The following SSBP3 variants were observed in gnomAD, a reference collection of about 807,000 sequenced individuals.
SSBP3 encodes single-stranded DNA-binding protein 3.
Under a neutral mutation model 69.6 loss-of-function variants are expected in SSBP3, and 5 were observed. The observed-to-expected ratio is 0.07, with a 90% CI of 0.04 to 0.15. SSBP3 has a LOEUF of 0.15. Ranked by LOEUF, SSBP3 falls within the 10% of genes least tolerant of loss-of-function variation. The pLI, the probability that SSBP3 is intolerant of heterozygous loss-of-function variation, is 1.00. For synonymous variants in SSBP3, 196 were observed against 193.4 expected (o/e 1.01, Z -0.11); for missense variants, 312 against 534.0 (o/e 0.58, Z 4.10).
intron 4 of SSBP3, among the ~76,000 whole-genome samples, chr1:54,294,769 A>G (rs926302122): frequency 6.6e-6 from 1 of 152,108 alleles, no homozygotes; most frequent in Non-Finnish European, 1.5e-5. Flanking sequence ...CTCTCTGAAG[A>G]CGAGTGTCTG....
chr1:54,390,095 T>C (rs1236662903), intron 4 of SSBP3, among the ~76,000 whole-genome samples: 1 of 152,176 alleles, frequency 6.6e-6, no homozygotes, highest in Non-Finnish European at 1.5e-5. Context: ...TGTTTGCTAT[T>C]GTTATCAGTT....
intron 4 of SSBP3, among the ~76,000 whole-genome samples, chr1:54,318,886 C>T (rs1341594361): frequency 6.6e-6 from 1 of 152,238 alleles, no homozygotes; most frequent in Non-Finnish European, 1.5e-5. Context: ...AGGGGTCGTC[C>T]TTTCCCAGGA....
At chr1:54,361,669 C>T (rs753677446) in intron 4 of SSBP3, among the ~76,000 whole-genome samples, 4 of 152,026 alleles carry the variant, frequency 2.6e-5, no homozygotes, top group East Asian at 1.9e-4. Flanking sequence ...AGCCCGGCAG[C>T]GAGCTGAACA....
At chr1:54,288,953 G>A (rs1303712798) in intron 4 of SSBP3, among the ~76,000 whole-genome samples, 1 of 146,006 alleles carries the variant, frequency 6.8e-6, no homozygotes, top group Non-Finnish European at 1.5e-5. Flanking sequence ...CCGGGAGGTG[G>A]AGCTTGCAGT....
chr1:54,279,890 T>C (rs1645359725), intron 5 of SSBP3, among the ~76,000 whole-genome samples: 1 of 152,160 alleles, frequency 6.6e-6, no homozygotes. Flanking sequence ...TCTCAACCCA[T>C]CTTTAATATG....
At chr1:54,328,313 G>T (rs1300648223) in intron 4 of SSBP3, among the ~76,000 whole-genome samples, 2 of 152,232 alleles carry the variant, frequency 1.3e-5, no homozygotes, top group Admixed American at 6.5e-5. Context: ...GGACTGCTGA[G>T]TCGCCAGCAC....
chr1:54,359,988 C>G (rs527567153), intron 4 of SSBP3, among the ~76,000 whole-genome samples: 1 of 152,308 alleles, frequency 6.6e-6, no homozygotes, highest in East Asian at 1.9e-4. Context: ...CCGCCAACAC[C>G]TTCAGAGTCT....
chr1:54,411,330 T>C (rs1057375513), upstream of SSBP3, among the ~76,000 whole-genome samples: 1 of 151,620 alleles, frequency 6.6e-6, no homozygotes, highest in African/African-American at 2.4e-5. Context: ...ATAGAAAAAT[T>C]AGCCGGGCAT....
chr1:54,255,158 C>CGGGGGGGGGGGGGGGG (rs34404422), intron 7 of SSBP3, among the ~76,000 whole-genome samples: 2 of 63,394 alleles, frequency 3.2e-5, no homozygotes, highest in African/African-American at 5.2e-5. Context: ...TGCGGGGGGG[C>CGGGGGGGGGGGGGGGG]GGGGGGGGGG....
At chr1:54,358,516 T>A (rs991603846) in intron 4 of SSBP3, among the ~76,000 whole-genome samples, 5 of 152,326 alleles carry the variant, frequency 3.3e-5, no homozygotes, top group Middle Eastern at 3.4e-3. Flanking sequence ...GGGTTGCAGC[T>A]CACACCTTGC....
chr1:54,400,968 T>G (rs1649248539), intron 4 of SSBP3, among the ~76,000 whole-genome samples: 1 of 152,172 alleles, frequency 6.6e-6, no homozygotes, highest in Non-Finnish European at 1.5e-5. Flanking sequence ...GCAAGACCAT[T>G]AGATCACCTG....
At chr1:54,397,584 C>T (rs1648986072) in intron 4 of SSBP3, among the ~76,000 whole-genome samples, 1 of 152,034 alleles carries the variant, frequency 6.6e-6, no homozygotes, top group South Asian at 2.1e-4. Context: ...AGGGAGCCAG[C>T]CTCACTGAGG....
chr1:54,278,255 C>A lies in SSBP3; in HGVS notation c.366+3183G>T, dbSNP rs145479842. Among the ~76,000 whole-genome samples the A allele has an allele frequency of 2.2e-4, 33 of 152,060 alleles. No homozygotes were observed. The East Asian group carries it at 5.2e-3, about 24-fold the overall frequency. On this transcript the variant is annotated intron_variant, in intron 5 of 17. Coordinates refer to ENST00000610401, the Ensembl canonical transcript of SSBP3. ...CTCCTGTTCTGTAATGTGAGCAATA[C>A]AAATAAACTCAGTTCAAACATTTAC...
chr1:54,255,626 G>C (rs1337015969), intron 7 of SSBP3: 1 of 152,130 alleles, frequency 6.6e-6, no homozygotes, highest in Non-Finnish European at 1.5e-5. Flanking sequence ...GATGTATCCA[G>C]GGATCCCTTC....
intron 4 of SSBP3, among the ~76,000 whole-genome samples, chr1:54,362,944 T>C (rs1027247859): frequency 3.9e-5 from 6 of 152,008 alleles, no homozygotes; most frequent in African/African-American, 1.5e-4. Context: ...GCCTGGGAGA[T>C]GAACTGTCTC....
chr1:54,404,102 T>C (rs766644925), intron 3 of SSBP3, among the ~76,000 whole-genome samples: 7 of 152,190 alleles, frequency 4.6e-5, no homozygotes, highest in Non-Finnish European at 8.8e-5. Context: ...CAGCCCTTTC[T>C]TGCTCTTTCT....
chr1:54,244,579 C>T (rs114855390), intron 9 of SSBP3, among the ~76,000 whole-genome samples: 261 of 152,320 alleles, frequency 1.7e-3, no homozygotes, highest in Non-Finnish European at 2.3e-3. Flanking sequence ...ACAGAACTCA[C>T]GAAGTCCCAG....
intron 14 of SSBP3, among the ~76,000 whole-genome samples, chr1:54,230,093 C>T (rs372226536): frequency 6.6e-6 from 1 of 152,188 alleles, no homozygotes; most frequent in African/African-American, 2.4e-5. Context: ...GGCAGCATGG[C>T]GTGCCAGAGC....
intron 4 of SSBP3, among the ~76,000 whole-genome samples, chr1:54,318,646 G>A (rs1047233645): frequency 3.9e-5 from 6 of 152,132 alleles, no homozygotes; most frequent in Non-Finnish European, 5.9e-5. Context: ...AGGCTGTAAG[G>A]AACAGGACTG....
Sources: gnomAD v4.1 joint callset for allele counts (sites outside exome capture counted in the v4.1 genomes callset) on GRCh38, gnomAD v4.1.1 for gene constraint, MANE v1.5 for transcripts, NCBI Gene and HGNC (gene_info 2026-07-23, HGNC 2026-07-21) for gene names.